The following EIF3A variants were observed in gnomAD, a reference collection of about 807,000 sequenced individuals.
EIF3A encodes the protein EIF3, p180 subunit.
EIF3A carries 21 observed loss-of-function variants against 186.6 expected under a neutral mutation model. That is an observed-to-expected ratio of 0.11 (90% CI 0.08 to 0.16). The LOEUF (loss-of-function observed/expected upper bound fraction) is 0.16. Among genes scored for constraint, EIF3A ranks in the 10% least tolerant of loss-of-function variants. EIF3A has a pLI of 1.00. For synonymous variants in EIF3A, 563 were observed against 584.3 expected, an observed-to-expected ratio of 0.96 and a Z score of 0.52; for missense variants, 1,306 against 1,796.3, an observed-to-expected ratio of 0.73 and a Z score of 4.93.
intron 9 of EIF3A, chr10:119,060,225 C>A (rs555193591): frequency 1.5e-4 from 73 of 478,702 alleles, no homozygotes; most frequent in African/African-American, 1.5e-3. Context: ...CTGACTTAAG[C>A]CCCTGGACTA....
chr10:119,037,982 T>C (rs922845013), intron 20 of EIF3A, among the ~76,000 whole-genome samples: 4 of 143,940 alleles, frequency 2.8e-5, no homozygotes, highest in African/African-American at 1.0e-4. Context: ...AATGGCGCTA[T>C]CTCGGCTCAC....
At chr10:119,056,134 C>A (rs1425233583) in intron 14 of EIF3A, among the ~76,000 whole-genome samples, 1 of 152,216 alleles carries the variant, frequency 6.6e-6, no homozygotes, top group Non-Finnish European at 1.5e-5. Flanking sequence ...GATCTGCTTA[C>A]TCACTTTTAT....
chr10:119,079,701 T>C (rs1844232083), intron 1 of EIF3A, among the ~76,000 whole-genome samples: 1 of 152,092 alleles, frequency 6.6e-6, no homozygotes, highest in Non-Finnish European at 1.5e-5. Flanking sequence ...CACAAGTTTT[T>C]CCCTCAAGCG....
intron 1 of EIF3A, among the ~76,000 whole-genome samples, chr10:119,074,848 G>A (rs1844134681): frequency 7.7e-6 from 1 of 130,586 alleles, no homozygotes; most frequent in African/African-American, 2.8e-5. Context: ...AACCTGGGAG[G>A]CAGAGGTTGC....
chr10:119,075,649 T>C (rs1379731649), intron 1 of EIF3A, among the ~76,000 whole-genome samples: 3 of 29,552 alleles, frequency 1.0e-4, no homozygotes, highest in African/African-American at 1.5e-4. Flanking sequence ...ACTATATATA[T>C]ACATATATAT....
chr10:119,069,511 T>C lies in EIF3A; in HGVS notation c.885A>G (p.Thr295=), dbSNP rs1186003805. The change falls in exon 6 of 22, where the codon ACA becomes ACG. Residue 295 remains threonine, a synonymous_variant. Coordinates refer to ENST00000369144, the MANE Select transcript of EIF3A (RefSeq NM_003750.4). The part of the protein sequence containing the change: ...KSGNALFHAS[T]LHRLYHLSRE... ...TAGAGAGATGGTAAAGACGATGGAG[T>C]GTAGATGCATGAAAAAGAGCATTTC... 6.3e-7 allele frequency: 1 copy of C among 1,589,930 alleles called. No homozygotes were observed. Among genetic ancestry groups the C allele is most frequent in the South Asian group, 1.1e-5 (1 of 90,600 alleles).
rs1311583638 is a variant in EIF3A at position 119,037,105 on chromosome 10, T to A, written c.3919+14A>T. On this transcript the variant is annotated intron_variant, in intron 21 of 21. Transcript: ENST00000369144. Reference sequence around the variant, plus strand: ...ACAGTTCTCCAATACTTCAGTTGTATGTAACCTCTATACCTTCTTCACGTT... The same window carrying A: ...ACAGTTCTCCAATACTTCAGTTGTAAGTAACCTCTATACCTTCTTCACGTT... The A allele has an allele frequency of 1.8e-5, 22 of 1,197,114 alleles. No individual in the cohort carries two copies. The highest frequency in any genetic ancestry group is 2.4e-5 in the Non-Finnish European group (21 of 872,964). The allele number at this position is 1,197,114 out of a possible 1,614,324, so 74.2% of individuals were successfully genotyped here.
At chr10:119,051,734 T>C (rs549913421) in intron 14 of EIF3A, among the ~76,000 whole-genome samples, 101 of 152,282 alleles carry the variant, frequency 6.6e-4, no homozygotes, top group African/African-American at 2.2e-3. Context: ...CAATAGCATG[T>C]CTAAAACACC....
chr10:119,079,747 G>A (rs1166906061), intron 1 of EIF3A, among the ~76,000 whole-genome samples: 1 of 152,026 alleles, frequency 6.6e-6, no homozygotes, highest in Non-Finnish European at 1.5e-5. Context: ...AATAGAAATC[G>A]CAGACAGCAG....
chr10:119,054,551 A>AT (rs1203768353), intron 14 of EIF3A, among the ~76,000 whole-genome samples: 1 of 150,038 alleles, frequency 6.7e-6, no homozygotes, highest in Non-Finnish European at 1.5e-5. Context: ...CCCGTCTCTA[A>AT]TTAAAAAAAA....
At chr10:119,051,073 C>A (rs961808430) in intron 15 of EIF3A, 126 bp downstream of exon 15, 9 of 816,768 alleles carry the variant, frequency 1.1e-5, no homozygotes, top group Middle Eastern at 4.7e-4. Flanking sequence ...CCAAAAATTT[C>A]TATTATTTGA....
Position 119,035,434 on chromosome 10 carries a change from C to G in EIF3A, c.*605G>C, listed in dbSNP as rs1018941497. On this transcript the variant is annotated 3_prime_UTR_variant, in exon 22 of 22. Coordinates refer to ENST00000369144, the MANE Select transcript of EIF3A (RefSeq NM_003750.4). ...CGCAGTAATCTTGTCATTACAACAA[C>G]TGCAAATTGCTTTGTACTCACCTTC... 2.0e-5 allele frequency: 3 copies of G among 149,876 alleles called. No individual in the cohort carries two copies. Among genetic ancestry groups the G allele is most frequent in the African/African-American group, 7.3e-5 (3 of 40,994 alleles). The allele number at this position is 149,876 out of a possible 1,614,324, so 9.3% of individuals were successfully genotyped here.
chr10:119,046,911 C>G (rs1440748485), intron 17 of EIF3A, among the ~76,000 whole-genome samples: 1 of 151,446 alleles, frequency 6.6e-6, no homozygotes, highest in Non-Finnish European at 1.5e-5. Context: ...GGGCCGAGAT[C>G]TCGCCATTGC....
chr10:119,058,313 C>G lies in EIF3A; in HGVS notation c.1630-10G>C, dbSNP rs556454520. The G allele has an allele frequency of 1.6e-5, 25 of 1,537,798 alleles. No individual in the cohort carries two copies. In the East Asian group the frequency reaches 5.9e-4, roughly 36 times the overall value. ...GTTCTTCTTTCTCTTGCTTCAAAAA[C>G]AAATGAATTTTTTTACATGACCAAA... On this transcript the variant is annotated splice_polypyrimidine_tract_variant and intron_variant, in intron 11 of 21. Coordinates refer to ENST00000369144, the MANE Select transcript of EIF3A (RefSeq NM_003750.4).
chr10:119,037,073 A>G (rs201965286), intron 21 of EIF3A, 46 bp downstream of exon 21: 2 of 276,392 alleles, frequency 7.2e-6, no homozygotes, highest in Non-Finnish European at 1.4e-5. Flanking sequence ...CCCCCCCCCC[A>G]GAAACGACAG....
intron 19 of EIF3A, among the ~76,000 whole-genome samples, chr10:119,040,593 C>T (rs900825156): frequency 1.3e-5 from 2 of 152,114 alleles, no homozygotes; most frequent in Non-Finnish European, 2.9e-5. Flanking sequence ...GAAAACTGGC[C>T]GGGGCAGTGG....
At chr10:119,078,277 C>A (rs751178359) in intron 1 of EIF3A, among the ~76,000 whole-genome samples, 14 of 152,168 alleles carry the variant, frequency 9.2e-5, no homozygotes, top group Non-Finnish European at 1.9e-4. Flanking sequence ...ATACGAAATT[C>A]TTGCCTGTAA....
Position 119,073,729 on chromosome 10 carries a change from A to G in EIF3A, c.240+18T>C, listed in dbSNP as rs372184162. On this transcript the variant is annotated intron_variant, in intron 2 of 21. Transcript: ENST00000369144. ...TAAAAACACTTGTTAAAAATATACAACCCAGTTCCGTTTGTACCTGTTGAC... is the reference window on the plus strand; with the variant it reads ...TAAAAACACTTGTTAAAAATATACAGCCCAGTTCCGTTTGTACCTGTTGAC... 7.4e-5 allele frequency: 118 copies of G among 1,585,820 alleles called. 4 individuals are homozygous for G. The South Asian group carries it at 1.3e-3, about 18-fold the overall frequency.
In EIF3A at chr10:119,073,911, G is replaced by A; in HGVS notation, c.76C>T (p.Pro26Ser). ...NEFLEVGKKQ[P>S]ALDVLYDVMK... is the part of the protein sequence containing the mutation. The stretch of plus-strand genomic sequence containing the variant: ...ACATCATAAAGAACATCCAGAGCAG[G>A]CTGCTTTTTGCCAACCTCAAGAAAT... The change falls in exon 2 of 22, where the codon CCT becomes TCT. Residue 26 changes from proline (P) to serine (S), a missense_variant. Pro to Ser is a moderately conservative substitution (Grantham distance 74). This residue lies in a region of EIF3A where 130 missense variants were observed against 259.3 expected (regional missense o/e 0.50). Coordinates refer to ENST00000369144, the MANE Select transcript of EIF3A (RefSeq NM_003750.4). 1 of 1,598,222 alleles carries A rather than the reference G, an allele frequency of 6.3e-7. No homozygotes were observed.
Sources: gnomAD v4.1 joint callset for allele counts (sites outside exome capture counted in the v4.1 genomes callset) on GRCh38, gnomAD v4.1.1 for gene constraint, gnomAD v4.1.1 regional missense constraint, MANE v1.5 for transcripts, NCBI Gene and HGNC (gene_info 2026-07-23, HGNC 2026-07-21) for gene names.